PDE8B: variants seen among roughly 807,000 people sequenced by gnomAD.
PDE8B encodes the protein phosphodiesterase 8B.
PDE8B carries 26 observed loss-of-function variants against 101.3 expected under a neutral mutation model. That is an observed-to-expected ratio of 0.26 (90% CI 0.19 to 0.36). The LOEUF is 0.36. Ranked by LOEUF, PDE8B falls within the 10% of genes least tolerant of loss-of-function variation. The pLI, the probability that PDE8B is intolerant of heterozygous loss-of-function variation, is 1.00. For missense variants in PDE8B, 810 were observed against 1,163.1 expected, an observed-to-expected ratio of 0.70 and a Z score of 4.42; for synonymous variants, 424 against 429.3, an observed-to-expected ratio of 0.99 and a Z score of 0.15.
rs987881149 is a variant in PDE8B at position 77,427,672 on chromosome 5, T to C, written c.*1118T>C. 2 of 152,202 alleles carry C rather than the reference T, an allele frequency of 1.3e-5. No individual in the cohort carries two copies. The highest frequency in any genetic ancestry group is 4.8e-5 in the African/African-American group (2 of 41,444). 9.4% of individuals were successfully genotyped at this position (152,202 alleles called of 1,614,324 possible). ...AGTAAATACTATTTTAAGCTATTAA[T>C]TGTATGCTAAAAGCTTCTAAAGCAC... On this transcript the variant is annotated 3_prime_UTR_variant, in exon 22 of 22. Coordinates refer to ENST00000264917, the MANE Select transcript of PDE8B (RefSeq NM_003719.5).
chr5:77,162,409 T>C, the PDE8B span, among the ~76,000 whole-genome samples: 4 of 152,084 alleles, frequency 2.6e-5, no homozygotes, highest in African/African-American at 7.2e-5. Context: ...TTTGTAGAAA[T>C]TGACAAGCTG....
intron 1 of PDE8B, among the ~76,000 whole-genome samples, chr5:77,275,214 A>G (rs1763610313): frequency 6.6e-6 from 1 of 152,108 alleles, no homozygotes; most frequent in African/African-American, 2.4e-5. Flanking sequence ...GAAAAAATAT[A>G]TATACTGTAT....
chr5:77,103,345 A>C, the PDE8B span, among the ~76,000 whole-genome samples: 1 of 152,246 alleles, frequency 6.6e-6, no homozygotes, highest in African/African-American at 2.4e-5. Flanking sequence ...CCTATTTACT[A>C]GTATGATATG....
chr5:77,425,385 A>AC (rs574399824), intron 20 of PDE8B, among the ~76,000 whole-genome samples: 209 of 152,156 alleles, frequency 1.4e-3, no homozygotes, highest in African/African-American at 4.7e-3. Flanking sequence ...ATATGGTGAA[A>AC]CCCCTTCTCT....
chr5:77,099,342 G>A, the PDE8B span, among the ~76,000 whole-genome samples: 10 of 152,208 alleles, frequency 6.6e-5, no homozygotes, highest in African/African-American at 2.4e-4. Context: ...GAGTAGACCA[G>A]TTGGACTGTT....
rs193164153 is a variant in PDE8B, at chr5:77,373,906, A to G, written c.1167+20500A>G. ...CTCTTGTTGCGCAGGCTGGAGTGCA[A>G]TGGTGCCATCTCAGCTCACTGCAAC... On this transcript the variant is annotated intron_variant, in intron 10 of 21. Coordinates refer to ENST00000264917, the MANE Select transcript of PDE8B (RefSeq NM_003719.5). Among the ~76,000 whole-genome samples, 380 of 152,130 alleles carry G rather than the reference A, an allele frequency of 2.5e-3. 1 individual carries two copies. The highest frequency in any genetic ancestry group is 4.4e-3 in the Non-Finnish European group (296 of 68,014).
At chr5:77,203,962 C>G in the PDE8B span, among the ~76,000 whole-genome samples, 1 of 151,166 alleles carries the variant, frequency 6.6e-6, no homozygotes, top group Non-Finnish European at 1.5e-5. Flanking sequence ...AGCTCACACT[C>G]ATTTAGAAAC....
chr5:77,361,750 G>A (rs1783148084), intron 10 of PDE8B, among the ~76,000 whole-genome samples: 1 of 152,072 alleles, frequency 6.6e-6, no homozygotes, highest in African/African-American at 2.4e-5. Flanking sequence ...TCCTGACCTT[G>A]TGATCCACCC....
the PDE8B span, among the ~76,000 whole-genome samples, chr5:77,126,710 G>A: frequency 6.6e-6 from 1 of 152,204 alleles, no homozygotes; most frequent in Non-Finnish European, 1.5e-5. Context: ...GTGAGCCACA[G>A]CACCCGGCCC....
intron 1 of PDE8B, among the ~76,000 whole-genome samples, chr5:77,274,821 GC>G (rs1291394642): frequency 6.6e-6 from 1 of 152,102 alleles, no homozygotes; most frequent in Non-Finnish European, 1.5e-5. Context: ...AGACCTGAGA[GC>G]CCGAGAGGAG....
rs1781980338 is a variant in PDE8B, at chr5:77,355,702, G to A, written c.1167+2296G>A. ...CTCCCCAAATATGTGTTAAACACCT[G>A]TTCTGTGCTGGCACCAGGGACACAA... On this transcript the variant is annotated intron_variant, in intron 10 of 21. Coordinates refer to ENST00000264917, the MANE Select transcript of PDE8B (RefSeq NM_003719.5). 1.3e-5 allele frequency among the ~76,000 whole-genome samples: 2 copies of A among 152,184 alleles called. 1 individual carries two copies. The highest frequency in any genetic ancestry group is 4.1e-4 in the South Asian group (2 of 4,826).
the PDE8B span, among the ~76,000 whole-genome samples, chr5:77,192,486 C>T: frequency 0.37 from 55,599 of 152,070 alleles, 10,513 homozygotes; most frequent in African/African-American, 0.42. Flanking sequence ...TTCATACATG[C>T]TGTTGTGTAT....
At chr5:77,290,550 G>A in intron 1 of PDE8B, 2 of 1,485,460 alleles carry the variant, frequency 1.3e-6, no homozygotes, top group Non-Finnish European at 1.9e-6. Context: ...TGCCTTGTGG[G>A]AGAAGATCCA....
At chr5:77,295,273 C>T (rs1211491780) in intron 1 of PDE8B, among the ~76,000 whole-genome samples, 1 of 152,128 alleles carries the variant, frequency 6.6e-6, no homozygotes, top group Non-Finnish European at 1.5e-5. Context: ...ACATGCCAGA[C>T]CTCGGGGAAT....
intron 1 of PDE8B, among the ~76,000 whole-genome samples, chr5:77,222,084 G>C (rs529989436): frequency 6.6e-6 from 1 of 152,256 alleles, no homozygotes; most frequent in Non-Finnish European, 1.5e-5. Flanking sequence ...GCTGCAAAAG[G>C]GTAACCTGGT....
chr5:77,376,954 G>A (rs1237402461), intron 10 of PDE8B, among the ~76,000 whole-genome samples: 8 of 152,180 alleles, frequency 5.3e-5, no homozygotes, highest in Middle Eastern at 3.2e-3. Flanking sequence ...TAGGAGGCAT[G>A]TGGGTTTACA....
At chr5:77,292,057 C>T (rs185437030) in intron 1 of PDE8B, among the ~76,000 whole-genome samples, 1 of 151,108 alleles carries the variant, frequency 6.6e-6, no homozygotes, top group African/African-American at 2.4e-5. Flanking sequence ...TCTCCAGCAG[C>T]CTACATACAT....
intron 10 of PDE8B, among the ~76,000 whole-genome samples, chr5:77,374,958 TAC>T (rs151289447): frequency 6.7e-5 from 10 of 150,372 alleles, no homozygotes; most frequent in Non-Finnish European, 8.9e-5. Flanking sequence ...CAGAACCAGA[TAC>T]ACACACACAC....
chr5:77,309,261 AAG>A (rs34318585), intron 1 of PDE8B, among the ~76,000 whole-genome samples: 26,971 of 149,856 alleles, frequency 0.18, 3,144 homozygotes, highest in Middle Eastern at 0.29. Context: ...AAGGAGAGGA[AAG>A]AGAGAGAAAG....
Sources: gnomAD v4.1 joint callset for allele counts (sites outside exome capture counted in the v4.1 genomes callset) on GRCh38, gnomAD v4.1.1 for gene constraint, MANE v1.5 for transcripts, NCBI Gene and HGNC (gene_info 2026-07-23, HGNC 2026-07-21) for gene names.